WDPCP: variants seen among roughly 807,000 people sequenced by gnomAD.
WDPCP encodes the protein WD repeat-containing and planar cell polarity effector protein fritz homolog.
In WDPCP, 71 loss-of-function variants were observed where a neutral mutation model predicts 93.1. That is an observed-to-expected ratio of 0.76 (90% CI 0.63 to 0.93). The LOEUF is 0.93. Among genes scored for constraint, WDPCP ranks in the 40% least tolerant of loss-of-function variants. WDPCP has a pLI of 0.00. For missense variants in WDPCP, 844 were observed against 887.4 expected (o/e 0.95, Z 0.62); for synonymous variants, 315 against 315.0 (o/e 1.00, Z 0.00).
chr2:63,477,657 T>G (rs908669934), intron 6 of WDPCP, among the ~76,000 whole-genome samples: 1 of 152,014 alleles, frequency 6.6e-6, no homozygotes, highest in African/African-American at 2.4e-5. Context: ...ACAGACCCTC[T>G]GAAGGAAGTA....
intron 6 of WDPCP, among the ~76,000 whole-genome samples, chr2:63,467,878 G>A (rs928479712): frequency 4.6e-5 from 7 of 151,368 alleles, no homozygotes; most frequent in African/African-American, 1.7e-4. Context: ...CAGGTACAAT[G>A]TTGTGTGTAT....
chr2:63,678,981 G>A (rs565899069), intron 2 of WDPCP, among the ~76,000 whole-genome samples: 5 of 152,210 alleles, frequency 3.3e-5, no homozygotes, highest in East Asian at 1.9e-4. Context: ...GGCTACTTCC[G>A]CAGGGTCATT....
intron 3 of WDPCP, among the ~76,000 whole-genome samples, chr2:63,600,615 G>C (rs1392737108): frequency 6.6e-6 from 1 of 152,164 alleles, no homozygotes; most frequent in East Asian, 1.9e-4. Flanking sequence ...AAGAAAGGTT[G>C]GCTGCTATTA....
intron 14 of WDPCP, among the ~76,000 whole-genome samples, chr2:63,234,955 T>TAATTATTACCATTAATTATTACCA (rs1679254249): frequency 6.6e-6 from 1 of 152,138 alleles, no homozygotes; most frequent in African/African-American, 2.4e-5. Flanking sequence ...ATCATTAAGC[T>TAATTATTACCATTAATTATTACCA]CTTCTTCAAA....
intron 13 of WDPCP, among the ~76,000 whole-genome samples, chr2:63,311,228 G>A (rs1378459230): frequency 1.3e-5 from 2 of 152,110 alleles, no homozygotes; most frequent in African/African-American, 4.8e-5. Context: ...TATCTCAAGG[G>A]TAGAAAATCA....
chr2:63,753,114 T>A (rs1299121450), intron 2 of WDPCP, among the ~76,000 whole-genome samples: 1 of 152,184 alleles, frequency 6.6e-6, no homozygotes, highest in Admixed American at 6.5e-5. Context: ...TGTTAGTCCG[T>A]TCTTGCACTG....
chr2:63,369,126 T>A (rs1395935942), intron 12 of WDPCP: 2 of 200,426 alleles, frequency 1.0e-5, no homozygotes, highest in Non-Finnish European at 2.1e-5. Flanking sequence ...ACCATGTTGG[T>A]AAAGGCTGTC....
At chr2:63,688,782 A>C (rs1188902689) in intron 2 of WDPCP, among the ~76,000 whole-genome samples, 1 of 152,170 alleles carries the variant, frequency 6.6e-6, no homozygotes, top group Non-Finnish European at 1.5e-5. Context: ...AAAATTAAAA[A>C]TTAAAAAAAA....
chr2:63,775,014 G>A (rs1336738307), intron 2 of WDPCP, among the ~76,000 whole-genome samples: 1 of 152,026 alleles, frequency 6.6e-6, no homozygotes, highest in Non-Finnish European at 1.5e-5. Flanking sequence ...ACTCTGTTAG[G>A]CAATAGCCTT....
At chr2:63,519,608 G>C (rs1205537879) in intron 1 of WDPCP, among the ~76,000 whole-genome samples, 1 of 152,098 alleles carries the variant, frequency 6.6e-6, no homozygotes, top group African/African-American at 2.4e-5. Context: ...CCCAGAGTCA[G>C]AGCATGCAGC....
chr2:63,347,364 ATTAT>A (rs1389622737), intron 12 of WDPCP, among the ~76,000 whole-genome samples: 2 of 152,192 alleles, frequency 1.3e-5, no homozygotes, highest in Non-Finnish European at 2.9e-5. Context: ...ATATGAAACA[ATTAT>A]TTATTATCTG....
chr2:63,441,408 T>G (rs1697493224), intron 6 of WDPCP: 1 of 152,054 alleles, frequency 6.6e-6, no homozygotes, highest in African/African-American at 2.4e-5. Flanking sequence ...CCTCCTTTAT[T>G]CAAAACATCT....
At chr2:63,729,369 G>C (rs1339058878) in intron 2 of WDPCP, among the ~76,000 whole-genome samples, 1 of 152,158 alleles carries the variant, frequency 6.6e-6, no homozygotes, top group African/African-American at 2.4e-5. Context: ...AAGAAGTGGA[G>C]TTGTTCTGTG....
chr2:63,133,539 C>T (rs188746407), intron 17 of WDPCP, among the ~76,000 whole-genome samples: 39 of 152,266 alleles, frequency 2.6e-4, no homozygotes, highest in African/African-American at 8.4e-4. Flanking sequence ...GTAACTGAAT[C>T]ATGGGGGCAG....
At chr2:63,179,100 T>C (rs1434797918) in intron 14 of WDPCP, among the ~76,000 whole-genome samples, 2 of 151,518 alleles carry the variant, frequency 1.3e-5, no homozygotes, top group African/African-American at 4.8e-5. Flanking sequence ...ACTCAGGAAT[T>C]TGAGGCTGGA....
intron 1 of WDPCP, among the ~76,000 whole-genome samples, chr2:63,580,095 G>A (rs929414670): frequency 4.6e-5 from 7 of 152,144 alleles, no homozygotes; most frequent in East Asian, 1.9e-4. Context: ...CCAGGACTAT[G>A]AGCCAAATAA....
At chr2:63,216,351 T>C (rs1320945058) in intron 14 of WDPCP, among the ~76,000 whole-genome samples, 3 of 152,190 alleles carry the variant, frequency 2.0e-5, no homozygotes, top group African/African-American at 7.2e-5. Flanking sequence ...ATGTGGCACA[T>C]ATACACCATA....
chr2:63,659,718 T>C (rs1232673834), intron 2 of WDPCP, among the ~76,000 whole-genome samples: 1 of 152,198 alleles, frequency 6.6e-6, no homozygotes, highest in Non-Finnish European at 1.5e-5. Context: ...TGTGGCAATT[T>C]GTTAGAGTAG....
chr2:63,686,771 T>C (rs1386634459), intron 2 of WDPCP, among the ~76,000 whole-genome samples: 1 of 152,168 alleles, frequency 6.6e-6, no homozygotes, highest in African/African-American at 2.4e-5. Flanking sequence ...AATTCATACA[T>C]CTTTAGTAAA....
Sources: gnomAD v4.1 joint callset for allele counts (sites outside exome capture counted in the v4.1 genomes callset) on GRCh38, gnomAD v4.1.1 for gene constraint, MANE v1.5 for transcripts, NCBI Gene and HGNC (gene_info 2026-07-23, HGNC 2026-07-21) for gene names.